Variants in ADAM28 observed in about 807,000 individuals in gnomAD.
The protein encoded by ADAM28 is ADAM metallopeptidase domain 28.
ADAM28 carries 105 observed loss-of-function variants against 101.2 expected under a neutral mutation model. The ratio of observed to expected loss-of-function variants is 1.04; its 90% CI spans 0.89 to 1.22. The LOEUF is 1.22. ADAM28 is among the 50% of genes most tolerant of loss of function. The probability of loss-of-function intolerance (pLI) is 0.00; values close to 1 mark genes in which losing one functional copy is unlikely to be tolerated. For missense variants in ADAM28, 1,028 were observed against 945.4 expected (o/e 1.09, Z -1.15); for synonymous variants, 322 against 310.6 (o/e 1.04, Z -0.39).
intron 14 of ADAM28, 150 bp from the exon 15 acceptor site, chr8:24,339,316 T>A: frequency 3.3e-6 from 2 of 614,896 alleles, no homozygotes; most frequent in South Asian, 4.2e-5. Flanking sequence ...GAGTGGTCAA[T>A]GGAATTATGC....
intron 1 of ADAM28, among the ~76,000 whole-genome samples, chr8:24,296,825 G>A (rs1808029282): frequency 6.6e-6 from 1 of 152,198 alleles, no homozygotes; most frequent in Non-Finnish European, 1.5e-5. Context: ...ATGGCAGTTA[G>A]TTGTGTTTGT....
intron 4 of ADAM28, 52 bp downstream of exon 4, chr8:24,310,293 A>C: frequency 1.3e-6 from 2 of 1,542,974 alleles, no homozygotes; most frequent in Non-Finnish European, 1.8e-6. Context: ...CACAGACCTA[A>C]AGGTAGTGTC....
At chr8:24,321,451 G>A in intron 8 of ADAM28, 162 bp downstream of exon 8, 2 of 681,732 alleles carry the variant, frequency 2.9e-6, no homozygotes, top group South Asian at 3.0e-5. Flanking sequence ...CTACATAGGT[G>A]AACATGAATA....
intron 15 of ADAM28, among the ~76,000 whole-genome samples, chr8:24,340,056 A>T (rs78045453): frequency 0.038 from 5,727 of 152,300 alleles, 369 homozygotes; most frequent in African/African-American, 0.13. Context: ...AAATATTGAC[A>T]ATTCATCTGA....
At chr8:24,339,702 T>C in intron 15 of ADAM28, 134 bp downstream of exon 15, 2 of 743,922 alleles carry the variant, frequency 2.7e-6, no homozygotes, top group South Asian at 3.7e-5. Context: ...ATTTATTGAG[T>C]AACTACTATG....
chr8:24,351,278 C>A lies in ADAM28; in HGVS notation c.2146C>A (p.Pro716Thr), dbSNP rs748456892. Residue 716 changes from proline to threonine, a missense_variant, in exon 20 of 23, where the codon CCC becomes ACC. Transcript: ENST00000265769. ...GTRPHKQKRK[P>T]QMVKAVQPQE... ...CAGGCCACACAAACAGAAGAGGAAA[C>A]CCCAGATGGTAAAGGCTGTTCAACC... 44 of 1,612,178 alleles carry A rather than the reference C, an allele frequency of 2.7e-5. No individual in the cohort carries two copies. The highest frequency in any genetic ancestry group is 3.7e-5 in the Non-Finnish European group (44 of 1,179,230).
rs554079983 is a variant in ADAM28 at position 24,319,168 on chromosome 8, C to T, written c.577-1068C>T. Among the ~76,000 whole-genome samples, 14 of 152,064 alleles carry T rather than the reference C, an allele frequency of 9.2e-5. No individual in the cohort carries two copies. The East Asian group carries it at 2.7e-3, about 29-fold the overall frequency. The stretch of plus-strand genomic sequence containing the variant: ...TATTTCACCTTGGAGTCTATTTACT[C>T]ATTTTTTTTCCCTGCTGGAATTGTC... On this transcript the variant is annotated intron_variant, in intron 6 of 22. Coordinates refer to ENST00000265769, the MANE Select transcript of ADAM28 (RefSeq NM_014265.6).
At chr8:24,350,780 A>C (rs1163068545) in intron 19 of ADAM28, among the ~76,000 whole-genome samples, 1 of 152,058 alleles carries the variant, frequency 6.6e-6, no homozygotes, top group Non-Finnish European at 1.5e-5. Context: ...GCTCAGAGAG[A>C]TTATTAGCAA....
Position 24,321,233 on chromosome 8 carries a change from G to A in ADAM28, c.664G>A (p.Glu222Lys). Residue 222 changes from glutamate to lysine, a missense_variant, in exon 8 of 23, where the codon GAG becomes AAG. Transcript: ENST00000265769. ...LDNGEFKRYN[E>K]NQDEIRKRVF... is the part of the protein sequence containing the mutation. ...TTTCTTTTAGTTTAAAAGGTACAAT[G>A]AGAATCAAGATGAGATCAGAAAGAG... The A allele has an allele frequency of 1.2e-6, 2 of 1,603,828 alleles. No individual in the cohort carries two copies. The highest frequency in any genetic ancestry group is 1.7e-6 in the Non-Finnish European group (2 of 1,171,430).
Position 24,354,495 on chromosome 8 carries a change from A to G in ADAM28, c.*91A>G. 2 of 1,407,194 alleles carry G rather than the reference A, an allele frequency of 1.4e-6. No homozygotes were observed. Among genetic ancestry groups the G allele is most frequent in the Non-Finnish European group, 1.9e-6 (2 of 1,032,328 alleles). 87.2% of individuals were successfully genotyped at this position (1,407,194 alleles called of 1,614,324 possible). On this transcript the variant is annotated 3_prime_UTR_variant, in exon 23 of 23. Coordinates refer to ENST00000265769, the MANE Select transcript of ADAM28 (RefSeq NM_014265.6). ...AGAGAAATATACTATCTATCTCACC[A>G]GTATTTGCTCTCGACTCAAGAAGGT...
At chr8:24,314,698 T>C (rs1421657112) in intron 6 of ADAM28, among the ~76,000 whole-genome samples, 1 of 151,838 alleles carries the variant, frequency 6.6e-6, no homozygotes, top group Non-Finnish European at 1.5e-5. Context: ...CACATATATC[T>C]CTAGTATGAC....
intron 15 of ADAM28, chr8:24,341,320 T>C: frequency 3.3e-6 from 1 of 304,740 alleles, no homozygotes; most frequent in Non-Finnish European, 6.0e-6. Context: ...TTCTAGAATT[T>C]GTGCTTAAGA....
chr8:24,343,063 G>A, intron 16 of ADAM28, 38 bp from the exon 17 acceptor site: 3 of 1,613,080 alleles, frequency 1.9e-6, no homozygotes, highest in Non-Finnish European at 2.5e-6. Context: ...TCTACGTTCA[G>A]AGAAGATGAA....
intron 2 of ADAM28, among the ~76,000 whole-genome samples, chr8:24,301,758 T>A (rs1429380524): frequency 6.6e-6 from 1 of 152,204 alleles, no homozygotes; most frequent in Non-Finnish European, 1.5e-5. Flanking sequence ...TATGTTCTCC[T>A]GAGAGCCTCT....
At chr8:24,316,619 G>A (rs554355929) in intron 6 of ADAM28, among the ~76,000 whole-genome samples, 8 of 152,026 alleles carry the variant, frequency 5.3e-5, no homozygotes, top group East Asian at 3.9e-4. Flanking sequence ...ATGGAAAGCC[G>A]CTGATAACAT....
At chr8:24,328,236 C>A (rs978823684) in intron 10 of ADAM28, among the ~76,000 whole-genome samples, 6 of 151,760 alleles carry the variant, frequency 4.0e-5, no homozygotes, top group Admixed American at 2.0e-4. Context: ...GAAAGGCGAT[C>A]TTACTTTCAT....
rs959891088 is a variant in ADAM28, at chr8:24,358,318, C to T, written c.*3914C>T. The T allele has an allele frequency of 1.6e-4, 25 of 152,190 alleles. No homozygotes were observed. Among genetic ancestry groups the T allele is most frequent in the Admixed American group, 1.5e-3 (23 of 15,266 alleles). 9.4% of individuals were successfully genotyped at this position (152,190 alleles called of 1,614,324 possible). A position where few individuals can be genotyped will look rare whatever the true frequency, so the allele number is the denominator to read the frequency against. ...GCTTTAATATTGTTTCATCATATGT[C>T]ATTGTTCAAAGAATCCATCTCTTGA... On this transcript the variant is annotated 3_prime_UTR_variant, in exon 23 of 23. Coordinates refer to ENST00000265769, the MANE Select transcript of ADAM28 (RefSeq NM_014265.6).
intron 9 of ADAM28, among the ~76,000 whole-genome samples, chr8:24,325,432 C>A (rs1055782633): frequency 1.1e-4 from 16 of 151,902 alleles, no homozygotes; most frequent in African/African-American, 3.4e-4. Context: ...AAATTAGAGT[C>A]CGAATATACT....
At chr8:24,344,902 A>G (rs1052890276) in intron 18 of ADAM28, among the ~76,000 whole-genome samples, 3 of 152,050 alleles carry the variant, frequency 2.0e-5, no homozygotes, top group Non-Finnish European at 1.5e-5. Context: ...TCTGTTGCCA[A>G]ATATTTTTAA....
Sources: allele counts gnomAD v4.1 joint callset (sites outside exome capture counted in the v4.1 genomes callset), GRCh38; gene constraint gnomAD v4.1.1; transcripts MANE v1.5; gene names NCBI Gene and HGNC (gene_info 2026-07-23, HGNC 2026-07-21).